Variants in CFAP299 observed in about 807,000 individuals in gnomAD.
The protein encoded by CFAP299 is cilia- and flagella-associated protein 299.
A neutral mutation model predicts 27.0 loss-of-function variants in CFAP299; 21 were observed. The ratio of observed to expected loss-of-function variants is 0.78; its 90% CI spans 0.55 to 1.12. The LOEUF (loss-of-function observed/expected upper bound fraction) is 1.12, where lower values mean the gene tolerates loss of function less well. CFAP299 is among the 50% of genes most tolerant of loss of function. The pLI, the probability that CFAP299 is intolerant of heterozygous loss-of-function variation, is 0.00. For missense variants in CFAP299, 310 were observed against 276.6 expected (o/e 1.12, Z -0.86); for synonymous variants, 104 against 98.1 (o/e 1.06, Z -0.36).
rs967390299 is a variant in CFAP299 at position 80,386,739 on chromosome 4, G to C, written c.242+23855G>C. On this transcript the variant is annotated intron_variant, in intron 2 of 5. Coordinates refer to ENST00000358105, the MANE Select transcript of CFAP299 (RefSeq NM_152770.3). ...TGGAGCTTCATGCCGGAGTGGGAGA[G>C]GACATGGGCCTTCAGCTTGTCCGGC... 1.4e-5 allele frequency: 21 copies of C among 1,520,264 alleles called. No homozygotes were observed. In the African/African-American group the frequency reaches 2.6e-4, roughly 19 times the overall value. 94.2% of individuals were successfully genotyped at this position (1,520,264 alleles called of 1,614,324 possible).
chr4:80,942,431 A>G (rs1185830823), intron 4 of CFAP299, among the ~76,000 whole-genome samples: 1 of 152,144 alleles, frequency 6.6e-6, no homozygotes, highest in Admixed American at 6.5e-5. Flanking sequence ...TAATAGATTC[A>G]TTAGACTTAT....
At chr4:80,607,587 G>GA (rs997616016) in intron 3 of CFAP299, among the ~76,000 whole-genome samples, 5 of 151,450 alleles carry the variant, frequency 3.3e-5, no homozygotes, top group East Asian at 1.9e-4. Flanking sequence ...TTGTAAGACA[G>GA]AAAAAAAAGA....
chr4:80,837,725 GA>G (rs1158660926), intron 3 of CFAP299, among the ~76,000 whole-genome samples: 3 of 152,114 alleles, frequency 2.0e-5, no homozygotes, highest in African/African-American at 7.2e-5. Flanking sequence ...TTACTATTGT[GA>G]ATAGTGCTGC....
chr4:80,740,805 T>C (rs550702365), intron 3 of CFAP299, among the ~76,000 whole-genome samples: 3 of 152,274 alleles, frequency 2.0e-5, no homozygotes, highest in African/African-American at 7.2e-5. Flanking sequence ...GGTATAAGCC[T>C]CTCCTGGTGG....
chr4:80,525,323 A>G (rs756755779), intron 2 of CFAP299, among the ~76,000 whole-genome samples: 9 of 152,112 alleles, frequency 5.9e-5, no homozygotes, highest in Admixed American at 2.0e-4. Context: ...AAATTATTCC[A>G]TCATGCAACG....
intron 4 of CFAP299, among the ~76,000 whole-genome samples, chr4:80,892,575 C>G (rs1357024343): frequency 6.6e-6 from 1 of 152,014 alleles, no homozygotes; most frequent in South Asian, 2.1e-4. Flanking sequence ...TATGAGTCAA[C>G]ATATGCAAAT....
chr4:80,348,361 T>C (rs1319487847), intron 1 of CFAP299, among the ~76,000 whole-genome samples: 1 of 152,204 alleles, frequency 6.6e-6, no homozygotes, highest in East Asian at 1.9e-4. Context: ...ACATACAGAA[T>C]TGTAGAAAAT....
In CFAP299 at chr4:80,576,197, A is replaced by AAAT. The variant is rs980515680; in HGVS notation, c.243-6895_243-6894insATA. Among the ~76,000 whole-genome samples the AAAT allele has an allele frequency of 3.5e-3, 112 of 32,454 alleles. 1 individual carries two copies. The highest frequency in any genetic ancestry group is 0.016 in the Middle Eastern group (1 of 64). 21.3% of individuals were successfully genotyped at this position (32,454 alleles called of 152,430 possible). ...CTTAAAGTATAATAATAAAAAAAAA[A>AAAT]ATATATATATATATATATATAAAAT... On this transcript the variant is annotated intron_variant, in intron 2 of 5. Transcript: ENST00000358105.
intron 3 of CFAP299, among the ~76,000 whole-genome samples, chr4:80,692,039 A>G (rs1453787360): frequency 1.3e-5 from 2 of 152,200 alleles, no homozygotes; most frequent in Admixed American, 6.5e-5. Flanking sequence ...TCAAGGAAAT[A>G]AAAGAGGATA....
chr4:80,363,385 A>T (rs944161767), intron 2 of CFAP299, among the ~76,000 whole-genome samples: 1 of 152,222 alleles, frequency 6.6e-6, no homozygotes, highest in Non-Finnish European at 1.5e-5. Flanking sequence ...GTTAAAACAT[A>T]TGATGAAAGA....
chr4:80,429,475 C>T (rs1441592617), intron 2 of CFAP299, among the ~76,000 whole-genome samples: 1 of 152,120 alleles, frequency 6.6e-6, no homozygotes, highest in Non-Finnish European at 1.5e-5. Context: ...TTGCATTTTA[C>T]TGTGCCATCA....
At chr4:80,673,026 C>T (rs1454580187) in intron 3 of CFAP299, among the ~76,000 whole-genome samples, 2 of 150,394 alleles carry the variant, frequency 1.3e-5, no homozygotes, top group Non-Finnish European at 3.0e-5. Context: ...CTGCTCTGAT[C>T]TTAGTTATTT....
intron 1 of CFAP299, among the ~76,000 whole-genome samples, chr4:80,340,937 A>G (rs1405259559): frequency 6.6e-6 from 1 of 152,042 alleles, no homozygotes; most frequent in African/African-American, 2.4e-5. Context: ...CACCACACCC[A>G]GCTAATTTTT....
At chr4:80,862,812 T>G (rs183136001) in intron 3 of CFAP299, among the ~76,000 whole-genome samples, 66 of 152,244 alleles carry the variant, frequency 4.3e-4, no homozygotes, top group Non-Finnish European at 8.5e-4. Context: ...TATATATATA[T>G]GTAAAACTGC....
At chr4:80,728,920 A>G (rs1244547913) in intron 3 of CFAP299, among the ~76,000 whole-genome samples, 1 of 152,176 alleles carries the variant, frequency 6.6e-6, no homozygotes, top group Non-Finnish European at 1.5e-5. Context: ...CACCAATGAT[A>G]TCATCAGTTT....
At chr4:80,729,515 G>T (rs985431460) in intron 3 of CFAP299, among the ~76,000 whole-genome samples, 1 of 152,078 alleles carries the variant, frequency 6.6e-6, no homozygotes, top group Non-Finnish European at 1.5e-5. Flanking sequence ...CACCCTGAGG[G>T]AAGTATGCTG....
intron 5 of CFAP299, among the ~76,000 whole-genome samples, chr4:80,947,902 T>C (rs71596042): frequency 0.084 from 12,837 of 152,170 alleles, 633 homozygotes; most frequent in Middle Eastern, 0.19. Flanking sequence ...GCAAAATAAA[T>C]ATCTGCAGTT....
chr4:80,642,126 A>G (rs1297095943), intron 3 of CFAP299, among the ~76,000 whole-genome samples: 1 of 152,194 alleles, frequency 6.6e-6, no homozygotes, highest in Non-Finnish European at 1.5e-5. Flanking sequence ...AGTAACATTT[A>G]TCAATTGCAA....
At chr4:80,694,194 G>T (rs535633901) in intron 3 of CFAP299, among the ~76,000 whole-genome samples, 1 of 152,144 alleles carries the variant, frequency 6.6e-6, no homozygotes, top group Admixed American at 6.6e-5. Context: ...AACACATGAA[G>T]CTTTGTATTT....
Sources: allele counts gnomAD v4.1 joint callset (sites outside exome capture counted in the v4.1 genomes callset), GRCh38; gene constraint gnomAD v4.1.1; transcripts MANE v1.5; gene names NCBI Gene and HGNC (gene_info 2026-07-23, HGNC 2026-07-21).